The following TTN variants were observed in gnomAD, a reference collection of about 807,000 sequenced individuals.
TTN encodes connectin.
Under a neutral mutation model 3,223.0 loss-of-function variants are expected in TTN, and 1,525 were observed. That is an observed-to-expected ratio of 0.47 (90% CI 0.45 to 0.49). The LOEUF is 0.49. Ranked by LOEUF, TTN falls within the 20% of genes least tolerant of loss-of-function variation. The probability of loss-of-function intolerance (pLI) is 0.00; values close to 1 mark genes in which losing one functional copy is unlikely to be tolerated. For synonymous variants in TTN, 14,094 were observed against 15,161.0 expected, an observed-to-expected ratio of 0.93 and a Z score of 5.17; for missense variants, 40,786 against 43,424.0, an observed-to-expected ratio of 0.94 and a Z score of 5.40.
chr2:178,701,671 C>G lies in TTN; in HGVS notation c.30539-84G>C, dbSNP rs144688772. 3,035 of 1,342,936 alleles carry G rather than the reference C, an allele frequency of 2.3e-3. 49 individuals carry two copies. Among genetic ancestry groups the G allele is most frequent in the South Asian group, 0.021 (1,695 of 79,692 alleles). 83.2% of individuals were successfully genotyped at this position (1,342,936 alleles called of 1,614,324 possible). ...CTAAGGTGTGTTTGATTTATTAGATCCTGAGATATGTCAGGCATATCTAAT... is the reference window on the plus strand; with the variant it reads ...CTAAGGTGTGTTTGATTTATTAGATGCTGAGATATGTCAGGCATATCTAAT... On this transcript the variant is annotated intron_variant, in intron 109 of 362. Transcript: ENST00000589042.
Position 178,731,897 on chromosome 2 carries a change from C to G in TTN, c.16978G>C (p.Val5660Leu). The G allele has an allele frequency of 6.2e-7, 1 of 1,613,722 alleles. No homozygotes were observed. The highest frequency in any genetic ancestry group is 1.1e-5 in the South Asian group (1 of 91,066). The stretch of plus-strand genomic sequence containing the variant: ...ATCTCAAAGGGAGGAGTGCCTGCCA[C>G]CTCAGCCAGCAACATGACATCGTAC... The part of the protein sequence containing the change: ...KEYDVMLLAE[V>L]AGTPPFEITW... Residue 5660 changes from valine (V) to leucine (L), a missense_variant, in exon 58 of 363, where the codon GTG (valine) becomes CTG (leucine). By Grantham distance (32) the Val-to-Leu change is conservative. Transcript: ENST00000589042.
chr2:178,704,107 C>T (rs1387715585), intron 106 of TTN, 40 bp downstream of exon 106: 2 of 1,600,500 alleles, frequency 1.2e-6, no homozygotes, highest in East Asian at 4.5e-5. Flanking sequence ...TGCCATTGAC[C>T]TATGCTGTAC....
At position 178,727,322 on chromosome 2, in the gene TTN, T is replaced by C; in HGVS notation, c.20043A>G (p.Ala6681=). Residue 6681 remains alanine (A), a synonymous_variant, in exon 69 of 363, where the codon GCA becomes GCG. Transcript: ENST00000589042. ...KKLEASKIVK[A]GDSSRLECKI... ...TGCATTCAAGTCGTGAAGAGTCACC[T>C]GCTTTCACAATTTTGGAGGCTTCTA... 1 of 1,610,502 alleles carries C rather than the reference T, an allele frequency of 6.2e-7. No homozygotes were observed. Among genetic ancestry groups the C allele is most frequent in the South Asian group, 1.1e-5 (1 of 90,464 alleles).
At chr2:178,616,314 C>T (rs2057337248) in intron 257 of TTN, among the ~76,000 whole-genome samples, 165 bp downstream of exon 257, 1 of 151,740 alleles carries the variant, frequency 6.6e-6, no homozygotes, top group Non-Finnish European at 1.5e-5. Flanking sequence ...GTTGAGCTAC[C>T]TCAGGAAGCA....
In TTN at chr2:178,677,335, C is replaced by CATATATATATATAT. The variant is rs61060584; in HGVS notation, c.34292-62_34292-49dup. ...GCATTAAAAACCACATATACATGGT[C>CATATATATATATAT]ATATATATATATATATATATATATA... On this transcript the variant is annotated intron_variant, in intron 146 of 362. Transcript: ENST00000589042. 1,134 of 251,678 alleles carry CATATATATATATAT rather than the reference C, an allele frequency of 4.5e-3. 54 individuals are homozygous for CATATATATATATAT. The highest frequency in any genetic ancestry group is 0.032 in the African/African-American group (718 of 22,630). The allele number at this position is 251,678 out of a possible 1,614,324, so 15.6% of individuals were successfully genotyped here.
In TTN at chr2:178,564,212, A is replaced by T; in HGVS notation, c.81920T>A (p.Val27307Asp). The change falls in exon 326 of 363, where the codon GTT becomes GAT. Residue 27307 changes from valine to aspartate, a missense_variant. By Grantham distance (152) the Val-to-Asp change is radical. Coordinates refer to ENST00000589042, the MANE Select transcript of TTN (RefSeq NM_001267550.2). ...TTCTTTTCCATCTTTTGACCAAACA[A>T]CATCAGGTATAGGTTTGCCACGGAT... is the stretch of plus-strand genomic sequence containing the variant. ...ADIRGKPIPD[V>D]VWSKDGKELE... is the part of the protein sequence containing the mutation. The T allele has an allele frequency of 6.2e-7, 1 of 1,613,616 alleles. No individual in the cohort carries two copies. The highest frequency in any genetic ancestry group is 8.5e-7 in the Non-Finnish European group (1 of 1,179,784).
At chr2:178,635,796 A>G in intron 226 of TTN, 81 bp from the exon 227 acceptor site, 1 of 1,526,312 alleles carries the variant, frequency 6.6e-7, no homozygotes. Flanking sequence ...TTTCAGGAAT[A>G]GGAAAAATTT....
chr2:178,793,552 T>C lies in TTN; in HGVS notation c.1399-11A>G, dbSNP rs1428534502. The C allele has an allele frequency of 1.9e-6, 3 of 1,613,318 alleles. No individual in the cohort carries two copies. The highest frequency in any genetic ancestry group is 1.6e-4 in the Middle Eastern group (1 of 6,062). On this transcript the variant is annotated splice_polypyrimidine_tract_variant and intron_variant, in intron 8 of 362. Coordinates refer to ENST00000589042, the MANE Select transcript of TTN (RefSeq NM_001267550.2). ...CGCTTCCTTTCTTACCTGCTTTTCA[T>C]AGAGAAAGGAAGAAAACACCTTAAT...
intron 109 of TTN, 60 bp downstream of exon 109, chr2:178,701,980 A>G: frequency 6.5e-7 from 1 of 1,545,984 alleles, no homozygotes; most frequent in Non-Finnish European, 8.8e-7. Flanking sequence ...GGCTTCTGTG[A>G]TTTACAAAAT....
At position 178,562,694 on chromosome 2, in the gene TTN, T is replaced by C; in HGVS notation, c.83438A>G (p.Tyr27813Cys). The C allele has an allele frequency of 6.3e-7, 1 of 1,595,502 alleles. No individual in the cohort carries two copies. The highest frequency in any genetic ancestry group is 8.5e-7 in the Non-Finnish European group (1 of 1,172,466). ...VEKRETTRKA[Y>C]ATITNNCTKT... is the part of the protein sequence containing the mutation. ...AGTGCAATTATTTGTAATGGTAGCA[T>C]AGGCTTTTCTTGTAGTTTCTCGTTT... The change falls in exon 326 of 363, where the codon TAT (tyrosine) becomes TGT (cysteine). Residue 27813 changes from tyrosine (Y) to cysteine (C), a missense_variant. Coordinates refer to ENST00000589042, the MANE Select transcript of TTN (RefSeq NM_001267550.2).
chr2:178,586,451 G>A, intron 308 of TTN, 54 bp downstream of exon 308: 1 of 1,584,306 alleles, frequency 6.3e-7, no homozygotes, highest in East Asian at 2.3e-5. Context: ...ACATATAAAA[G>A]AAGAAATTCT....
intron 294 of TTN, among the ~76,000 whole-genome samples, chr2:178,596,125 G>T (rs1035808321): frequency 6.6e-6 from 1 of 151,630 alleles, no homozygotes; most frequent in African/African-American, 2.4e-5. Context: ...CAAGTAGCTG[G>T]GACTACAGGC....
At chr2:178,700,277 T>C (rs1317329499) in intron 111 of TTN, among the ~76,000 whole-genome samples, 1 of 152,222 alleles carries the variant, frequency 6.6e-6, no homozygotes, top group Non-Finnish European at 1.5e-5. Flanking sequence ...AGTCACAAAA[T>C]TGGAAGTTTC....
intron 316 of TTN, chr2:178,580,826 C>A: frequency 1.9e-6 from 1 of 539,748 alleles, no homozygotes; most frequent in Non-Finnish European, 3.2e-6. Context: ...CAGGTTTTCC[C>A]CCCGGAGGAT....
At chr2:178,765,506 C>T (rs966143449) in intron 41 of TTN, among the ~76,000 whole-genome samples, 1 of 152,158 alleles carries the variant, frequency 6.6e-6, no homozygotes, top group African/African-American at 2.4e-5. Flanking sequence ...AAGATCTTTA[C>T]TTTTCTGTGC....
In TTN at chr2:178,725,645, T is replaced by G; in HGVS notation, c.20559A>C (p.Pro6853=). 1 of 1,579,770 alleles carries G rather than the reference T, an allele frequency of 6.3e-7. No individual in the cohort carries two copies. The highest frequency in any genetic ancestry group is 8.6e-7 in the Non-Finnish European group (1 of 1,161,804). Residue 6853 remains proline (P), a synonymous_variant, in exon 71 of 363, where the codon CCA becomes CCC. Coordinates refer to ENST00000589042, the MANE Select transcript of TTN (RefSeq NM_001267550.2). ...TGTTCAGTTTGGAGACAAATCTTGGTGGTTCTGAACAGGAAAAGATGGATG... is the reference window on the plus strand; with the variant it reads ...TGTTCAGTTTGGAGACAAATCTTGGGGGTTCTGAACAGGAAAAGATGGATG... ...TCVCTVKLKE[P]PRFVSKLNSL...
rs1411330849 is a variant in TTN, at chr2:178,590,474, T to C, written c.61251A>G (p.Gln20417=). 8.1e-6 allele frequency: 13 copies of C among 1,613,064 alleles called. No homozygotes were observed. Among genetic ancestry groups the C allele is most frequent in the African/African-American group, 2.7e-5 (2 of 74,886 alleles). ...VVECQKPGTA[Q]WNRINKDELI... is the part of the protein sequence containing the mutation. ...GTTCATCTTTATTAATCCTGTTCCA[T>C]TGTGCTGTGCCAGGTTTCTGACATT... Residue 20417 remains glutamine (Q), a synonymous_variant, in exon 304 of 363, where the codon CAA becomes CAG. Transcript: ENST00000589042.
At chr2:178,746,320 A>T in intron 47 of TTN, 1 of 1,612,626 alleles carries the variant, frequency 6.2e-7, no homozygotes, top group Non-Finnish European at 8.5e-7. Context: ...CCTCCCTTGA[A>T]TCCATATTTG....
At position 178,734,936 on chromosome 2, in the gene TTN, A is replaced by T; in HGVS notation, c.14988T>A (p.Gly4996=). The part of the protein sequence containing the change: ...KVDPSYLMLP[G]ESARLHCKLK... ...GCTTGCAATGGAGGCGTGCTGATTC[A>T]CCTGGGAGCATTAAATAAGAGGGAT... Residue 4996 remains glycine, a synonymous_variant, in exon 51 of 363, where the codon GGT becomes GGA. Coordinates refer to ENST00000589042, the MANE Select transcript of TTN (RefSeq NM_001267550.2). The T allele has an allele frequency of 6.2e-7, 1 of 1,609,130 alleles. No individual in the cohort carries two copies. Among genetic ancestry groups the T allele is most frequent in the Non-Finnish European group, 8.5e-7 (1 of 1,177,244 alleles).
Sources: gnomAD v4.1 joint callset for allele counts (sites outside exome capture counted in the v4.1 genomes callset) on GRCh38, gnomAD v4.1.1 for gene constraint, MANE v1.5 for transcripts, NCBI Gene and HGNC (gene_info 2026-07-23, HGNC 2026-07-21) for gene names.